GALNT13: variants seen among roughly 807,000 people sequenced by gnomAD.
GALNT13 encodes UDP-GalNAc:polypeptide N-acetylgalactosaminyltransferase 13.
Under a neutral mutation model 64.2 loss-of-function variants are expected in GALNT13, and 28 were observed. That is an observed-to-expected ratio of 0.44 (90% CI 0.32 to 0.60). The LOEUF is 0.60. Ranked by LOEUF, GALNT13 falls within the 20% of genes least tolerant of loss-of-function variation. The pLI, the probability that GALNT13 is intolerant of heterozygous loss-of-function variation, is 0.05. For synonymous variants in GALNT13, 214 were observed against 224.6 expected (o/e 0.95, Z 0.42); for missense variants, 577 against 669.8 (o/e 0.86, Z 1.53).
At chr2:153,943,332 A>G (rs911271468) in intron 2 of GALNT13, among the ~76,000 whole-genome samples, 2 of 152,156 alleles carry the variant, frequency 1.3e-5, no homozygotes, top group African/African-American at 4.8e-5. Flanking sequence ...GATGCGTGCT[A>G]TCTATTCTAA....
the GALNT13 span, among the ~76,000 whole-genome samples, chr2:153,755,292 C>A: frequency 6.6e-5 from 10 of 152,004 alleles, no homozygotes; most frequent in Non-Finnish European, 1.5e-4. Flanking sequence ...CTTGATCCAT[C>A]CCTCTCCTCT....
the GALNT13 span, among the ~76,000 whole-genome samples, chr2:153,259,488 G>A: frequency 5.3e-5 from 8 of 152,056 alleles, no homozygotes; most frequent in African/African-American, 7.2e-5. Flanking sequence ...TGTCCCCACC[G>A]AAATCTCATT....
At chr2:153,460,370 A>G in the GALNT13 span, among the ~76,000 whole-genome samples, 10 of 152,122 alleles carry the variant, frequency 6.6e-5, no homozygotes, top group Admixed American at 1.3e-4. Flanking sequence ...TGATAAATGT[A>G]TAGAGACCTC....
the GALNT13 span, among the ~76,000 whole-genome samples, chr2:153,647,484 T>A: frequency 6.6e-6 from 1 of 152,238 alleles, no homozygotes; most frequent in Non-Finnish European, 1.5e-5. Flanking sequence ...ATCCCATTTG[T>A]CAATTTTGGC....
intron 4 of GALNT13, among the ~76,000 whole-genome samples, chr2:154,197,494 A>G (rs1686942447): frequency 6.6e-6 from 1 of 152,142 alleles, no homozygotes; most frequent in Admixed American, 6.5e-5. Context: ...AAGAAAATAA[A>G]TGAGTACATC....
At chr2:153,271,503 A>T in the GALNT13 span, among the ~76,000 whole-genome samples, 32 of 152,326 alleles carry the variant, frequency 2.1e-4, no homozygotes, top group South Asian at 6.4e-3. Context: ...TCATGAGTGA[A>T]CTCACATTCA....
the GALNT13 span, among the ~76,000 whole-genome samples, chr2:153,648,026 G>A: frequency 6.6e-6 from 1 of 152,124 alleles, no homozygotes; most frequent in Admixed American, 6.6e-5. Flanking sequence ...GCTTGATGGG[G>A]ATGGCATTGA....
At chr2:153,387,626 G>A in the GALNT13 span, among the ~76,000 whole-genome samples, 1 of 152,044 alleles carries the variant, frequency 6.6e-6, no homozygotes, top group South Asian at 2.1e-4. Flanking sequence ...GACATTCAGA[G>A]CTGTTTAAGA....
Position 154,301,461 on chromosome 2 carries a change from A to G in GALNT13, c.1028A>G (p.His343Arg), listed in dbSNP as rs1693436821. The stretch of plus-strand genomic sequence containing the variant: ...ATTGTTACTTGCTCCCATGTTGGTC[A>G]TGTTTTTCGGAAGGCAACTCCATAC... The part of the protein sequence containing the change: ...LEIVTCSHVG[H>R]VFRKATPYTF... The change falls in exon 9 of 13, where the codon CAT (histidine) becomes CGT (arginine). Residue 343 changes from histidine to arginine, a missense_variant. Physicochemically the swap from His to Arg is conservative, Grantham distance 29. This residue lies in a region of GALNT13 where 232 missense variants were observed against 270.6 expected (regional missense o/e 0.86). Coordinates refer to ENST00000392825, the MANE Select transcript of GALNT13 (RefSeq NM_052917.4). 2 of 1,613,692 alleles carry G rather than the reference A, an allele frequency of 1.2e-6. No individual in the cohort carries two copies. The highest frequency in any genetic ancestry group is 1.3e-5 in the African/African-American group (1 of 74,930).
At chr2:153,813,528 AT>A in the GALNT13 span, among the ~76,000 whole-genome samples, 2 of 150,744 alleles carry the variant, frequency 1.3e-5, no homozygotes, top group Non-Finnish European at 3.0e-5. Context: ...ACCTTATCTC[AT>A]TTTTTTTTCT....
intron 12 of GALNT13, among the ~76,000 whole-genome samples, chr2:154,446,256 G>T (rs1045187506): frequency 1.3e-5 from 2 of 152,020 alleles, no homozygotes; most frequent in African/African-American, 4.8e-5. Context: ...GTACTAAAAA[G>T]CATTGTATTA....
At chr2:153,457,010 T>G in the GALNT13 span, among the ~76,000 whole-genome samples, 3 of 152,180 alleles carry the variant, frequency 2.0e-5, no homozygotes, top group Non-Finnish European at 4.4e-5. Context: ...TTTCTGGAAG[T>G]CAAGATTCAG....
chr2:153,370,606 A>G, the GALNT13 span: 3 of 152,226 alleles, frequency 2.0e-5, no homozygotes, highest in Admixed American at 6.6e-5. Context: ...ATGCCTTGTC[A>G]CAAAGATGTC....
At chr2:154,049,963 A>T (rs898674776) in intron 3 of GALNT13, among the ~76,000 whole-genome samples, 2 of 152,118 alleles carry the variant, frequency 1.3e-5, no homozygotes, top group Non-Finnish European at 2.9e-5. Flanking sequence ...AGCTAAACAT[A>T]TCTTCCTTTC....
the GALNT13 span, among the ~76,000 whole-genome samples, chr2:153,458,676 G>A: frequency 1.7e-4 from 26 of 152,160 alleles, no homozygotes; most frequent in African/African-American, 5.3e-4. Context: ...GTACATTGTT[G>A]TATTCCCTAA....
the GALNT13 span, among the ~76,000 whole-genome samples, chr2:153,851,255 A>C: frequency 6.6e-6 from 1 of 152,184 alleles, no homozygotes; most frequent in Admixed American, 6.5e-5. Context: ...GCAATGTATT[A>C]AAAGTACTTA....
At chr2:153,512,443 G>A in the GALNT13 span, among the ~76,000 whole-genome samples, 2 of 152,176 alleles carry the variant, frequency 1.3e-5, no homozygotes, top group Admixed American at 6.5e-5. Flanking sequence ...AGTGAAAGCA[G>A]TATTTGTAAA....
At chr2:153,118,136 CACACACACA>C in the GALNT13 span, among the ~76,000 whole-genome samples, 2 of 150,478 alleles carry the variant, frequency 1.3e-5, no homozygotes, top group African/African-American at 4.9e-5. Context: ...CACACACACA[CACACACACA>C]CCCCACATAA....
rs1683320312 is a variant in GALNT13 at position 154,142,569 on chromosome 2, A to AG, written c.311+2064_311+2065insG. The stretch of plus-strand genomic sequence containing the variant: ...TGTCTCAAAAAAAAAAAAAAAAAAA[A>AG]AAAAGAAAGGAAAAGAAAAAAGAAA... On this transcript the variant is annotated intron_variant, in intron 4 of 12. Transcript: ENST00000392825. Among the ~76,000 whole-genome samples the AG allele has an allele frequency of 6.6e-5, 10 of 151,018 alleles. No homozygotes were observed. The South Asian group carries it at 2.1e-3, about 31-fold the overall frequency.
Sources: gnomAD v4.1 joint callset for allele counts (sites outside exome capture counted in the v4.1 genomes callset) on GRCh38, gnomAD v4.1.1 for gene constraint, gnomAD v4.1.1 regional missense constraint, MANE v1.5 for transcripts, NCBI Gene and HGNC (gene_info 2026-07-23, HGNC 2026-07-21) for gene names.